VPS37A: variants seen among roughly 807,000 people sequenced by gnomAD.
VPS37A encodes the protein vacuolar protein sorting-associated protein 37A.
Under a neutral mutation model 49.8 loss-of-function variants are expected in VPS37A, and 30 were observed. That is an observed-to-expected ratio of 0.60 (90% CI 0.45 to 0.82). The LOEUF is 0.82. VPS37A is among the 40% of genes least tolerant of loss of function. The pLI, the probability that VPS37A is intolerant of heterozygous loss-of-function variation, is 0.00. For missense variants in VPS37A, 593 were observed against 464.4 expected (o/e 1.28, Z -2.55); for synonymous variants, 195 against 160.6 (o/e 1.21, Z -1.62).
At chr8:17,304,551 CTATTTTGGTGCT>C, downstream of VPS37A, 1 of 1,599,518 alleles carries the variant, frequency 6.3e-7, no homozygotes, top group Non-Finnish European at 8.6e-7. Context: ...TATAAATGAC[CTATTTTGGTGCT>C]TACACACAGT....
chr8:17,309,121 T>G, the VPS37A span, among the ~76,000 whole-genome samples: 6 of 152,308 alleles, frequency 3.9e-5, no homozygotes, highest in East Asian at 1.2e-3. Flanking sequence ...ATAACTTCAT[T>G]TATCTATGAT....
chr8:17,264,466 A>G (rs1813264296), intron 1 of VPS37A, among the ~76,000 whole-genome samples: 2 of 152,218 alleles, frequency 1.3e-5, no homozygotes, highest in African/African-American at 2.4e-5. Context: ...TTGAGTGTCC[A>G]CTTGAGTCTT....
intron 1 of VPS37A, among the ~76,000 whole-genome samples, chr8:17,262,136 G>C (rs1813016104): frequency 6.6e-6 from 1 of 152,084 alleles, no homozygotes; most frequent in Admixed American, 6.6e-5. Context: ...TCACAGGTAT[G>C]GAAGTCCGAT....
At chr8:17,262,571 GTA>G (rs994620595) in intron 1 of VPS37A, among the ~76,000 whole-genome samples, 12 of 134,494 alleles carry the variant, frequency 8.9e-5, no homozygotes, top group Non-Finnish European at 1.2e-4. Flanking sequence ...TTACTTTAAA[GTA>G]TGTGTGTGTG....
At chr8:17,312,809 A>T in the VPS37A span, among the ~76,000 whole-genome samples, 4 of 151,650 alleles carry the variant, frequency 2.6e-5, no homozygotes, top group African/African-American at 9.7e-5. Context: ...TTATTTCTTT[A>T]AAAAAAACTG....
At chr8:17,260,998 A>G (rs1302004056) in intron 1 of VPS37A, among the ~76,000 whole-genome samples, 3 of 152,026 alleles carry the variant, frequency 2.0e-5, no homozygotes, top group African/African-American at 7.3e-5. Flanking sequence ...CAGTACCTGG[A>G]TATTTATGAC....
intron 1 of VPS37A, chr8:17,247,615 C>CACAT (rs1341254612): frequency 1.4e-6 from 1 of 706,164 alleles, no homozygotes; most frequent in Admixed American, 2.0e-5. Flanking sequence ...TCCCTCCTGA[C>CACAT]ACATAGCTGC....
Position 17,289,631 on chromosome 8 carries a change from C to A in VPS37A, c.*3204C>A, listed in dbSNP as rs539778514. Among the ~76,000 whole-genome samples the A allele has an allele frequency of 4.7e-4, 72 of 152,144 alleles. 1 individual carries two copies. The highest frequency in any genetic ancestry group is 1.7e-3 in the African/African-American group (71 of 41,510). ...TGTAGTATAGTTTGAAGTCAGGTAG[C>A]ATGATGCCTGCCGCCAGCTTTGTTC... On this transcript the variant is annotated intron_variant, in intron 11 of 11. Transcript: ENST00000324849.
the VPS37A span, among the ~76,000 whole-genome samples, chr8:17,308,766 CCAAGGCCAGACAGTGAATAT>C: frequency 4.6e-5 from 7 of 152,124 alleles, no homozygotes; most frequent in African/African-American, 9.7e-5. Context: ...GCCCAGACGT[CCAAGGCCAGACAGTGAATAT>C]CATGGCCTGG....
chr8:17,294,569 G>A (rs1816460754), intron 11 of VPS37A, among the ~76,000 whole-genome samples: 1 of 152,174 alleles, frequency 6.6e-6, no homozygotes, highest in Non-Finnish European at 1.5e-5. Flanking sequence ...CGGGCCCCTG[G>A]TGGTGTAGGC....
In VPS37A at chr8:17,281,036, A is replaced by G. The variant is rs150714830; in HGVS notation, c.969+593A>G. Among the ~76,000 whole-genome samples, 1,379 of 152,136 alleles carry G rather than the reference A, an allele frequency of 9.1e-3. 8 individuals are homozygous for G. Among genetic ancestry groups the G allele is most frequent in the Non-Finnish European group, 0.015 (1,036 of 67,884 alleles). On this transcript the variant is annotated intron_variant, in intron 9 of 11. Coordinates refer to ENST00000324849, the MANE Select transcript of VPS37A (RefSeq NM_152415.3). Reference sequence around the variant, plus strand: ...AAATTAGGAACTTTGGGTAAAGTCAATGAAATAAAACATAAAATAGACATA... The same window carrying G: ...AAATTAGGAACTTTGGGTAAAGTCAGTGAAATAAAACATAAAATAGACATA...
chr8:17,281,599 A>G (rs1185082565), intron 9 of VPS37A, among the ~76,000 whole-genome samples: 1 of 152,056 alleles, frequency 6.6e-6, no homozygotes, highest in Non-Finnish European at 1.5e-5. Context: ...GTAATGCCTC[A>G]TGATCACTGC....
downstream of VPS37A, chr8:17,304,273 A>G: frequency 1.5e-6 from 2 of 1,294,340 alleles, no homozygotes; most frequent in Admixed American, 2.1e-5. Flanking sequence ...TTTGTGTCCA[A>G]TAAAAGCCTC....
chr8:17,304,746 C>CGTGTGTGTGTGTGTGTGTGTGTGTGT (rs10527892), downstream of VPS37A, among the ~76,000 whole-genome samples: 2,606 of 147,026 alleles, frequency 0.018, 47 homozygotes, highest in African/African-American at 0.031. Flanking sequence ...GTGTTCGATT[C>CGTGTGTGTGTGTGTGTGTGTGTGTGT]GTGTGTGTGT....
At chr8:17,260,897 C>G (rs892512986) in intron 1 of VPS37A, among the ~76,000 whole-genome samples, 1 of 152,150 alleles carries the variant, frequency 6.6e-6, no homozygotes, top group Admixed American at 6.5e-5. Flanking sequence ...TTTTAGGATC[C>G]TCTCTTTGTG....
Position 17,279,969 on chromosome 8 carries a change from G to A in VPS37A, c.714-59G>A, listed in dbSNP as rs182884388. ...TAAAGCTGAAAAATTGTAAATAGTT[G>A]TCATGGAGAAAAACTCGATGTCTGA... On this transcript the variant is annotated intron_variant, in intron 6 of 11. Coordinates refer to ENST00000324849, the MANE Select transcript of VPS37A (RefSeq NM_152415.3). 286 of 1,604,144 alleles carry A rather than the reference G, an allele frequency of 1.8e-4. No homozygotes were observed. In the East Asian group the frequency reaches 5.7e-3, roughly 32 times the overall value.
At chr8:17,304,239 T>C (rs2150467376), downstream of VPS37A, 6 of 869,330 alleles carry the variant, frequency 6.9e-6, no homozygotes, top group Middle Eastern at 1.2e-3. Flanking sequence ...AGATCAGATA[T>C]TCAAGCATCT....
chr8:17,313,457 A>G, the VPS37A span: 2 of 1,150,354 alleles, frequency 1.7e-6, no homozygotes, highest in Non-Finnish European at 2.6e-6. Flanking sequence ...CATTTTACAT[A>G]TGATCATGTT....
At position 17,293,055 on chromosome 8, in the gene VPS37A, G is replaced by C. The variant is rs569099654; in HGVS notation, c.*1-1932G>C. 1.2e-3 allele frequency among the ~76,000 whole-genome samples: 179 copies of C among 152,050 alleles called. 1 individual carries two copies. Among genetic ancestry groups the C allele is most frequent in the Non-Finnish European group, 2.2e-3 (153 of 68,018 alleles). On this transcript the variant is annotated intron_variant, in intron 11 of 11. Transcript: ENST00000324849. ...TATCCTGAAGTGTGTTTTCCAACTT[G>C]GTTCCAGTCTCTCTGTCACTTTCAG...
Sources: gnomAD v4.1 joint callset for allele counts (sites outside exome capture counted in the v4.1 genomes callset) on GRCh38, gnomAD v4.1.1 for gene constraint, MANE v1.5 for transcripts, NCBI Gene and HGNC (gene_info 2026-07-23, HGNC 2026-07-21) for gene names.